The following MGAT5 variants were observed in gnomAD, a reference collection of about 807,000 sequenced individuals.
MGAT5 encodes the protein alpha-1,6-mannosylglycoprotein 6-beta-N-acetylglucosaminyltransferase.
MGAT5 carries 30 observed loss-of-function variants against 94.3 expected under a neutral mutation model. That is an observed-to-expected ratio of 0.32 (90% CI 0.24 to 0.43). The LOEUF (loss-of-function observed/expected upper bound fraction) is 0.43, where lower values mean the gene tolerates loss of function less well. MGAT5 is among the 20% of genes least tolerant of loss of function. The pLI is 1.00. For missense variants in MGAT5, 691 were observed against 905.5 expected, an observed-to-expected ratio of 0.76 and a Z score of 3.04; for synonymous variants, 310 against 322.9, an observed-to-expected ratio of 0.96 and a Z score of 0.43.
Position 134,441,768 on chromosome 2 carries a change from A to G in MGAT5, c.1880A>G (p.His627Arg), listed in dbSNP as rs765549268. 1.9e-6 allele frequency: 3 copies of G among 1,612,224 alleles called. No homozygotes were observed. Among genetic ancestry groups the G allele is most frequent in the Non-Finnish European group, 2.5e-6 (3 of 1,178,530 alleles). The change falls in exon 15 of 16, where the codon CAT becomes CGT. Residue 627 changes from histidine to arginine, a missense_variant. This residue lies in a region of MGAT5 where 260 missense variants were observed against 347.0 expected (regional missense o/e 0.75). Coordinates refer to ENST00000281923, the MANE Select transcript of MGAT5 (RefSeq NM_002410.5). ...TCATTGTCGTTCTAGGACTTCTGCC[A>G]TGGGCAAGTGATGTGGCCACCCCTC... is the stretch of plus-strand genomic sequence containing the variant. ...NAFIEKQDFC[H>R]GQVMWPPLSA...
Position 134,124,898 on chromosome 2 carries a change from C to T in MGAT5, c.-143+4607C>T, listed in dbSNP as rs147742861. On this transcript the variant is annotated intron_variant, in intron 1 of 16. Coordinates refer to the MGAT5 transcript ENST00000409645. The stretch of plus-strand genomic sequence containing the variant: ...CCCACCCACTCCTGTTTGAACTTCA[C>T]GCTTTAAAGTTGTAGTTCGGTGCAC... Among the ~76,000 whole-genome samples the T allele has an allele frequency of 2.6e-4, 40 of 152,322 alleles. No individual in the cohort carries two copies. In the East Asian group the frequency reaches 5.0e-3, roughly 19 times the overall value.
chr2:134,410,289 A>G (rs1683571146), intron 11 of MGAT5, among the ~76,000 whole-genome samples: 1 of 152,238 alleles, frequency 6.6e-6, no homozygotes, highest in African/African-American at 2.4e-5. Context: ...CAGATGTGCT[A>G]TTTGACCTTA....
At chr2:134,145,416 G>T (rs948771896) in intron 1 of MGAT5, among the ~76,000 whole-genome samples, 4 of 152,146 alleles carry the variant, frequency 2.6e-5, no homozygotes, top group Non-Finnish European at 4.4e-5. Flanking sequence ...CATGGTGGCA[G>T]GCCCCTGTAG....
Position 134,333,809 on chromosome 2 carries a change from T to C in MGAT5, c.574-2408T>C, listed in dbSNP as rs183069911. The stretch of plus-strand genomic sequence containing the variant: ...AAATGTTGCTCATTTGAGAGCTGTT[T>C]GTTTCAGTACTTGGAGTTATTGCCA... On this transcript the variant is annotated intron_variant, in intron 4 of 15. Transcript: ENST00000281923. Among the ~76,000 whole-genome samples, 18 of 152,316 alleles carry C rather than the reference T, an allele frequency of 1.2e-4. No individual in the cohort carries two copies. In the South Asian group the frequency reaches 3.7e-3, roughly 32 times the overall value.
intron 1 of MGAT5, 89 bp downstream of exon 1, chr2:134,254,733 C>T: frequency 6.6e-7 from 1 of 1,520,776 alleles, no homozygotes; most frequent in South Asian, 1.3e-5. Flanking sequence ...TTGTCATGGA[C>T]TGAATGTCCT....
At chr2:134,329,236 G>A (rs1027535545) in intron 4 of MGAT5, among the ~76,000 whole-genome samples, 1 of 152,090 alleles carries the variant, frequency 6.6e-6, no homozygotes, top group Non-Finnish European at 1.5e-5. Flanking sequence ...GGCAAACAGT[G>A]TAGGAGTTGA....
chr2:134,221,001 C>G (rs1299291772), intron 1 of MGAT5, among the ~76,000 whole-genome samples: 1 of 152,190 alleles, frequency 6.6e-6, no homozygotes, highest in Non-Finnish European at 1.5e-5. Context: ...TCTCCACCCC[C>G]TTGTCCTGCA....
chr2:134,395,107 G>A (rs1682631840), intron 10 of MGAT5, among the ~76,000 whole-genome samples: 1 of 152,166 alleles, frequency 6.6e-6, no homozygotes, highest in Non-Finnish European at 1.5e-5. Context: ...TGGTAGTATA[G>A]CTGGTGGGCT....
At chr2:134,138,090 A>G (rs1279978138) in intron 1 of MGAT5, among the ~76,000 whole-genome samples, 1 of 151,756 alleles carries the variant, frequency 6.6e-6, no homozygotes, top group African/African-American at 2.4e-5. Context: ...TCGTGGGATC[A>G]AGTGATCTTC....
intron 1 of MGAT5, among the ~76,000 whole-genome samples, chr2:134,195,995 A>G (rs1331050867): frequency 6.6e-6 from 1 of 152,194 alleles, no homozygotes; most frequent in Non-Finnish European, 1.5e-5. Flanking sequence ...CATTCCAAAA[A>G]TTCCAGGGTA....
intron 1 of MGAT5, among the ~76,000 whole-genome samples, chr2:134,158,503 C>T (rs1374854659): frequency 1.3e-5 from 2 of 152,182 alleles, no homozygotes; most frequent in Non-Finnish European, 1.5e-5. Context: ...TGCCGGGAGC[C>T]GAGAGTGTCT....
chr2:134,193,093 G>T (rs1427846531), intron 1 of MGAT5, among the ~76,000 whole-genome samples: 1 of 151,338 alleles, frequency 6.6e-6, no homozygotes, highest in Non-Finnish European at 1.5e-5. Context: ...GATTGGCTCT[G>T]TGAGGTTACT....
chr2:134,247,361 A>T (rs955683048), intron 1 of MGAT5, among the ~76,000 whole-genome samples: 67 of 121,008 alleles, frequency 5.5e-4, no homozygotes, highest in African/African-American at 2.9e-3. Context: ...GCCTGAATTA[A>T]AAAAAAAAAA....
chr2:134,164,485 T>G (rs999085622), intron 1 of MGAT5, among the ~76,000 whole-genome samples: 1 of 151,954 alleles, frequency 6.6e-6, no homozygotes, highest in East Asian at 1.9e-4. Flanking sequence ...ACCTCAGAGG[T>G]GGGCCTGTGT....
chr2:134,281,361 A>C (rs532687129), intron 2 of MGAT5, among the ~76,000 whole-genome samples: 61 of 152,308 alleles, frequency 4.0e-4, no homozygotes, highest in Non-Finnish European at 7.4e-4. Flanking sequence ...AGGCATCGGA[A>C]ATGCAGCTGG....
Position 134,208,147 on chromosome 2 carries a change from T to C in MGAT5, c.-142-46115T>C, listed in dbSNP as rs562654809. Among the ~76,000 whole-genome samples the C allele has an allele frequency of 3.9e-5, 6 of 152,288 alleles. No individual in the cohort carries two copies. In the East Asian group the frequency reaches 1.2e-3, roughly 29 times the overall value. On this transcript the variant is annotated intron_variant, in intron 1 of 16. Coordinates refer to the MGAT5 transcript ENST00000409645. ...TTTTCAGACTCTTGGCCGAACTTTT[T>C]TTTTTTTTAAGCAGACCAGTATTTT...
At chr2:134,214,088 C>T (rs1019233571) in intron 1 of MGAT5, among the ~76,000 whole-genome samples, 12 of 152,150 alleles carry the variant, frequency 7.9e-5, no homozygotes, top group South Asian at 4.1e-4. Context: ...CATTTCTCCC[C>T]ACCCCACCCT....
At chr2:134,379,452 A>G (rs1371505621) in intron 10 of MGAT5, among the ~76,000 whole-genome samples, 1 of 152,246 alleles carries the variant, frequency 6.6e-6, no homozygotes, top group African/African-American at 2.4e-5. Flanking sequence ...GCTAGGAAAC[A>G]TCTGTAACTT....
At chr2:134,150,816 T>C (rs552749350) in intron 1 of MGAT5, among the ~76,000 whole-genome samples, 5 of 152,324 alleles carry the variant, frequency 3.3e-5, no homozygotes, top group Admixed American at 6.5e-5. Context: ...TATGGAGACA[T>C]AGCACATTAT....
Sources: allele counts gnomAD v4.1 joint callset (sites outside exome capture counted in the v4.1 genomes callset), GRCh38; gene constraint gnomAD v4.1.1; regional missense constraint gnomAD v4.1.1; transcripts MANE v1.5; gene names NCBI Gene and HGNC (gene_info 2026-07-23, HGNC 2026-07-21).